The following CTNNA3 variants were observed in gnomAD, a reference collection of about 807,000 sequenced individuals.
The protein encoded by CTNNA3 is catenin alpha-3.
In CTNNA3, 76 loss-of-function variants were observed where a neutral mutation model predicts 95.7. That is an observed-to-expected ratio of 0.79 (90% CI 0.66 to 0.96). The LOEUF (loss-of-function observed/expected upper bound fraction) is 0.96, where lower values mean the gene tolerates loss of function less well. Ranked by LOEUF, CTNNA3 falls within the 40% of genes least tolerant of loss-of-function variation. CTNNA3 has a pLI of 0.00. For missense variants in CTNNA3, 1,191 were observed against 1,089.8 expected, an observed-to-expected ratio of 1.09 and a Z score of -1.31; for synonymous variants, 431 against 374.4, an observed-to-expected ratio of 1.15 and a Z score of -1.74.
At chr10:67,406,856 A>T (rs1233713376) in intron 5 of CTNNA3, among the ~76,000 whole-genome samples, 3 of 152,170 alleles carry the variant, frequency 2.0e-5, no homozygotes, top group African/African-American at 7.2e-5. Context: ...CACCCTCCCA[A>T]GACTGAACCA....
At chr10:66,862,835 A>C (rs1241896728) in intron 7 of CTNNA3, among the ~76,000 whole-genome samples, 3 of 152,202 alleles carry the variant, frequency 2.0e-5, no homozygotes, top group Non-Finnish European at 2.9e-5. Context: ...GGTAGATTGC[A>C]TAAAGCAGAT....
intron 7 of CTNNA3, among the ~76,000 whole-genome samples, chr10:67,081,301 A>C (rs946626213): frequency 6.6e-6 from 1 of 152,228 alleles, no homozygotes; most frequent in African/African-American, 2.4e-5. Context: ...AGTGACAAGC[A>C]GTGAAATATG....
chr10:67,544,583 T>C (rs1217163520), intron 3 of CTNNA3, among the ~76,000 whole-genome samples: 1 of 152,146 alleles, frequency 6.6e-6, no homozygotes, highest in African/African-American at 2.4e-5. Flanking sequence ...ACATGCTCCC[T>C]CTTGAGTATT....
chr10:67,706,969 A>G (rs1246698643), intron 1 of CTNNA3, among the ~76,000 whole-genome samples: 1 of 152,170 alleles, frequency 6.6e-6, no homozygotes, highest in Non-Finnish European at 1.5e-5. Context: ...TGACATTCAT[A>G]TCCCAATAAT....
intron 15 of CTNNA3, among the ~76,000 whole-genome samples, chr10:65,989,573 TA>T (rs1564562214): frequency 6.6e-6 from 1 of 151,596 alleles, no homozygotes; most frequent in Non-Finnish European, 1.5e-5. Flanking sequence ...TTAGTTACTT[TA>T]AAAAAATTTA....
chr10:67,572,290 A>C (rs998062290), intron 3 of CTNNA3, among the ~76,000 whole-genome samples: 10 of 152,122 alleles, frequency 6.6e-5, no homozygotes, highest in Non-Finnish European at 1.5e-4. Flanking sequence ...TAGCTTTTCT[A>C]CTGGAAAGTG....
At chr10:65,974,831 G>A (rs1399469806) in intron 16 of CTNNA3, among the ~76,000 whole-genome samples, 1 of 151,964 alleles carries the variant, frequency 6.6e-6, no homozygotes, top group Non-Finnish European at 1.5e-5. Context: ...CAATAAATGT[G>A]ATATAATCAA....
chr10:66,344,151 C>G (rs140365437), intron 12 of CTNNA3, among the ~76,000 whole-genome samples: 6,914 of 149,206 alleles, frequency 0.046, 347 homozygotes, highest in East Asian at 0.23. Flanking sequence ...CACTTGAACC[C>G]CAGAGGCAGA....
At chr10:66,650,917 A>C (rs4745905) in intron 9 of CTNNA3, among the ~76,000 whole-genome samples, 1 of 151,988 alleles carries the variant, frequency 6.6e-6, no homozygotes, top group Admixed American at 6.5e-5. Context: ...CCTGGAAGGA[A>C]ACCCCAACAC....
chr10:66,452,544 G>A lies in CTNNA3; in HGVS notation c.1531+68073C>T, dbSNP rs527840930. On this transcript the variant is annotated intron_variant, in intron 11 of 17. Transcript: ENST00000433211. ...TAACTTTGGAACAAAGATGATAACAGCTCCTTCTTGGACAAAACCCCTCAT... is the reference window on the plus strand; with the variant it reads ...TAACTTTGGAACAAAGATGATAACAACTCCTTCTTGGACAAAACCCCTCAT... Among the ~76,000 whole-genome samples the A allele has an allele frequency of 3.3e-5, 5 of 152,214 alleles. No individual in the cohort carries two copies. The South Asian group carries it at 1.0e-3, about 32-fold the overall frequency.
chr10:66,369,724 T>C (rs1215751670), intron 12 of CTNNA3, among the ~76,000 whole-genome samples: 1 of 152,164 alleles, frequency 6.6e-6, no homozygotes, highest in East Asian at 1.9e-4. Context: ...TTTGTTTTTT[T>C]CTTAGCAACA....
chr10:67,086,164 T>G (rs1044372790), intron 7 of CTNNA3, among the ~76,000 whole-genome samples: 2 of 152,022 alleles, frequency 1.3e-5, no homozygotes, highest in Admixed American at 1.3e-4. Context: ...CAGTATATTT[T>G]TTTTCATACT....
At chr10:67,477,178 C>A (rs890038712) in intron 5 of CTNNA3, among the ~76,000 whole-genome samples, 3 of 151,982 alleles carry the variant, frequency 2.0e-5, no homozygotes, top group Admixed American at 6.6e-5. Context: ...TAGGCTGCTC[C>A]CTCTCTCCCT....
chr10:66,408,032 C>A (rs774199772), intron 11 of CTNNA3, among the ~76,000 whole-genome samples: 4 of 152,146 alleles, frequency 2.6e-5, no homozygotes, highest in Non-Finnish European at 4.4e-5. Context: ...TGTAAAATGG[C>A]ATAGTATTTG....
chr10:67,107,800 C>T (rs753478350), intron 7 of CTNNA3, among the ~76,000 whole-genome samples: 4 of 152,008 alleles, frequency 2.6e-5, no homozygotes, highest in East Asian at 1.9e-4. Flanking sequence ...AAGGTGCACT[C>T]GGGTGCAGTC....
At chr10:66,990,350 T>C (rs1850976367) in intron 7 of CTNNA3, among the ~76,000 whole-genome samples, 1 of 152,214 alleles carries the variant, frequency 6.6e-6, no homozygotes, top group Non-Finnish European at 1.5e-5. Flanking sequence ...TCTTCTCCTC[T>C]ATGCTGAATT....
At chr10:67,639,585 A>C (rs1839450501) in intron 2 of CTNNA3, among the ~76,000 whole-genome samples, 1 of 151,828 alleles carries the variant, frequency 6.6e-6, no homozygotes. Context: ...ATCTCTCATG[A>C]ACATCGATGC....
At chr10:66,468,708 A>T (rs1408432117) in intron 11 of CTNNA3, among the ~76,000 whole-genome samples, 1 of 151,960 alleles carries the variant, frequency 6.6e-6, no homozygotes, top group Non-Finnish European at 1.5e-5. Flanking sequence ...GTATACGTAT[A>T]TCAAACATCA....
intron 7 of CTNNA3, among the ~76,000 whole-genome samples, chr10:66,807,839 T>C (rs556952077): frequency 1.3e-5 from 2 of 152,242 alleles, no homozygotes; most frequent in East Asian, 3.9e-4. Flanking sequence ...CTTTCTCGCA[T>C]TTTTTAATAA....
Sources: allele counts gnomAD v4.1 joint callset (sites outside exome capture counted in the v4.1 genomes callset), GRCh38; gene constraint gnomAD v4.1.1; transcripts MANE v1.5; gene names NCBI Gene and HGNC (gene_info 2026-07-23, HGNC 2026-07-21).